The following NAV3 variants were observed in gnomAD, a reference collection of about 807,000 sequenced individuals.
NAV3 encodes the protein neuron navigator 3.
A neutral mutation model predicts 244.7 loss-of-function variants in NAV3; 87 were observed. That is an observed-to-expected ratio of 0.36 (90% confidence interval 0.30 to 0.42). The LOEUF (loss-of-function observed/expected upper bound fraction) is 0.42, where lower values mean the gene tolerates loss of function less well. Among genes scored for constraint, NAV3 ranks in the 20% least tolerant of loss-of-function variants. The pLI, the probability that NAV3 is intolerant of heterozygous loss-of-function variation, is 1.00. For missense variants in NAV3, 2,663 were observed against 2,893.3 expected, an observed-to-expected ratio of 0.92 and a Z score of 1.83; for synonymous variants, 1,126 against 1,042.2, an observed-to-expected ratio of 1.08 and a Z score of -1.55.
intron 3 of NAV3, 93 bp downstream of exon 3, chr12:77,941,226 T>A: frequency 1.2e-6 from 1 of 815,934 alleles, no homozygotes; most frequent in Non-Finnish European, 2.0e-6. Context: ...TTTCTGCATG[T>A]CTTCCTGCTT....
chr12:77,830,598 T>C (rs1393089667), upstream of NAV3, among the ~76,000 whole-genome samples: 1 of 152,240 alleles, frequency 6.6e-6, no homozygotes, highest in Non-Finnish European at 1.5e-5. Context: ...TCTATTTTCA[T>C]AACCTAGGCA....
At chr12:78,197,166 A>C (rs300498) in intron 34 of NAV3, 81 bp from the exon 35 acceptor site, 1,017,663 of 1,047,048 alleles carry the variant, frequency 0.97, 494,905 homozygotes, top group East Asian at 1. Flanking sequence ...GAGGACAAAG[A>C]GTGCTATTCC....
intron 18 of NAV3, among the ~76,000 whole-genome samples, chr12:78,131,380 C>G (rs539404066): frequency 5.5e-4 from 84 of 152,192 alleles, no homozygotes; most frequent in Admixed American, 1.4e-3. Flanking sequence ...GAATGTATAG[C>G]TTTTATTTGC....
At chr12:78,198,700 T>C in intron 36 of NAV3, 24 bp downstream of exon 36, 1 of 1,470,958 alleles carries the variant, frequency 6.8e-7, no homozygotes, top group Non-Finnish European at 9.2e-7. Flanking sequence ...GAAGGTTTTT[T>C]TGTTTTGTTT....
intron 2 of NAV3, among the ~76,000 whole-genome samples, chr12:77,622,547 T>C (rs1164569729): frequency 1.5e-4 from 22 of 149,516 alleles, no homozygotes; most frequent in African/African-American, 5.1e-4. Flanking sequence ...TTTTTTTTTT[T>C]TTTTTTTTTT....
chr12:77,675,909 C>CA (rs1241962663), intron 2 of NAV3, among the ~76,000 whole-genome samples: 1 of 152,046 alleles, frequency 6.6e-6, no homozygotes, highest in Non-Finnish European at 1.5e-5. Context: ...TGATCCTGGC[C>CA]AGTACTGTCA....
chr12:77,711,016 A>G (rs1200564447), intron 2 of NAV3, among the ~76,000 whole-genome samples: 1 of 152,232 alleles, frequency 6.6e-6, no homozygotes, highest in Non-Finnish European at 1.5e-5. Flanking sequence ...AAACAAGCTG[A>G]ATTAAAACAC....
At chr12:77,955,407 G>C (rs1891273464) in intron 3 of NAV3, among the ~76,000 whole-genome samples, 1 of 152,036 alleles carries the variant, frequency 6.6e-6, no homozygotes, top group Non-Finnish European at 1.5e-5. Context: ...TAGGAACATG[G>C]GCTCTGAGTG....
chr12:77,600,340 C>A (rs576195689), intron 2 of NAV3, among the ~76,000 whole-genome samples: 2 of 151,832 alleles, frequency 1.3e-5, no homozygotes, highest in African/African-American at 4.8e-5. Context: ...TACTGACTGG[C>A]CCAGGACATC....
chr12:78,077,326 T>G (rs929659859), intron 12 of NAV3, among the ~76,000 whole-genome samples: 2 of 152,242 alleles, frequency 1.3e-5, no homozygotes, highest in African/African-American at 2.4e-5. Flanking sequence ...GAGTTTACAA[T>G]TTTTGTTCAT....
intron 5 of NAV3, among the ~76,000 whole-genome samples, chr12:77,969,166 G>C (rs991118904): frequency 6.7e-5 from 10 of 148,710 alleles, no homozygotes; most frequent in African/African-American, 1.9e-4. Context: ...GTGTGTGTGT[G>C]TGTGCATGAG....
chr12:77,659,771 T>A (rs1009624408), intron 2 of NAV3, among the ~76,000 whole-genome samples: 1 of 152,156 alleles, frequency 6.6e-6, no homozygotes, highest in Non-Finnish European at 1.5e-5. Context: ...CATGGAATAC[T>A]ATGCAGCCAT....
chr12:77,994,599 T>C lies in NAV3; in HGVS notation c.672-204T>C, dbSNP rs147414460. 1.4e-3 allele frequency among the ~76,000 whole-genome samples: 199 copies of C among 143,018 alleles called. 2 individuals are homozygous for C. Among genetic ancestry groups the C allele is most frequent in the African/African-American group, 4.9e-3 (184 of 37,374 alleles). 93.8% of individuals were successfully genotyped at this position (143,018 alleles called of 152,430 possible). The stretch of plus-strand genomic sequence containing the variant: ...ACACATTTTATGACAAGGTGTGCAC[T>C]GCATTATTTCATAGTACATTCATAA... On this transcript the variant is annotated intron_variant, in intron 5 of 39. Transcript: ENST00000397909.
At chr12:77,656,394 A>G (rs1206431382) in intron 2 of NAV3, among the ~76,000 whole-genome samples, 3 of 125,964 alleles carry the variant, frequency 2.4e-5, no homozygotes, top group Non-Finnish European at 4.8e-5. Context: ...GATCAATTCA[A>G]CAAGAGGAGC....
intron 2 of NAV3, among the ~76,000 whole-genome samples, chr12:77,785,158 G>A (rs1222661966): frequency 6.6e-6 from 1 of 152,104 alleles, no homozygotes; most frequent in Non-Finnish European, 1.5e-5. Flanking sequence ...ACACAACAGG[G>A]CAACTACAGC....
At chr12:78,063,445 T>G (rs300410) in intron 12 of NAV3, among the ~76,000 whole-genome samples, 8,759 of 152,260 alleles carry the variant, frequency 0.058, 307 homozygotes, top group Admixed American at 0.078. Flanking sequence ...ACTCCTATTA[T>G]TGTTCTTACT....
intron 2 of NAV3, among the ~76,000 whole-genome samples, chr12:77,684,171 C>A (rs184416698): frequency 1.3e-4 from 20 of 152,260 alleles, no homozygotes; most frequent in African/African-American, 4.6e-4. Context: ...ATTTAATCTG[C>A]ATTTTCCTGA....
intron 1 of NAV3, among the ~76,000 whole-genome samples, chr12:77,935,902 T>G (rs1051232169): frequency 2.6e-5 from 4 of 152,128 alleles, no homozygotes; most frequent in African/African-American, 9.7e-5. Context: ...TCATGAGAAC[T>G]CTATCAGAAC....
At chr12:77,749,697 G>A (rs1334304421) in intron 2 of NAV3, among the ~76,000 whole-genome samples, 1 of 151,954 alleles carries the variant, frequency 6.6e-6, no homozygotes, top group African/African-American at 2.4e-5. Flanking sequence ...AGGCATAATA[G>A]CAATACAGTA....
Sources: gnomAD v4.1 joint callset for allele counts (sites outside exome capture counted in the v4.1 genomes callset) on GRCh38, gnomAD v4.1.1 for gene constraint, MANE v1.5 for transcripts, NCBI Gene and HGNC (gene_info 2026-07-23, HGNC 2026-07-21) for gene names.